The following PRKG1 variants were observed in gnomAD, a reference collection of about 807,000 sequenced individuals.
PRKG1 encodes the protein protein kinase cGMP-dependent 1.
A neutral mutation model predicts 88.1 loss-of-function variants in PRKG1; 35 were observed. That is an observed-to-expected ratio of 0.40 (90% CI 0.30 to 0.53). The LOEUF (loss-of-function observed/expected upper bound fraction) is 0.53. Ranked by LOEUF, PRKG1 falls within the 20% of genes least tolerant of loss-of-function variation. The pLI is 0.59. For missense variants in PRKG1, 540 were observed against 839.8 expected (o/e 0.64, Z 4.41); for synonymous variants, 303 against 292.5 (o/e 1.04, Z -0.37).
chr10:51,824,413 T>C (rs1193139681), intron 4 of PRKG1, among the ~76,000 whole-genome samples: 3 of 151,826 alleles, frequency 2.0e-5, no homozygotes, highest in Admixed American at 2.0e-4. Context: ...ACTTTTTTCA[T>C]CTGGCTTTAT....
intron 3 of PRKG1, among the ~76,000 whole-genome samples, chr10:51,688,106 A>T (rs376878130): frequency 6.6e-6 from 1 of 152,140 alleles, no homozygotes; most frequent in Non-Finnish European, 1.5e-5. Context: ...TATTAATTTT[A>T]TGGTGCTTTT....
rs78369557 is a variant in PRKG1, at chr10:51,988,628, T to C, written c.763-65856T>C. Among the ~76,000 whole-genome samples, 1,095 of 152,182 alleles carry C rather than the reference T, an allele frequency of 7.2e-3. 77 individuals are homozygous for C. The East Asian group carries it at 0.16, about 22-fold the overall frequency. On this transcript the variant is annotated intron_variant, in intron 5 of 17. Coordinates refer to ENST00000373980, the MANE Select transcript of PRKG1 (RefSeq NM_006258.4). ...AAGGTAAACATTTTTCCATAAGTAT[T>C]GGCTATTCAGGTTTCTTCTTCTGTG...
chr10:51,941,939 T>C (rs2133031570), intron 5 of PRKG1, among the ~76,000 whole-genome samples: 1 of 152,136 alleles, frequency 6.6e-6, no homozygotes, highest in Middle Eastern at 3.4e-3. Flanking sequence ...TATAGCAGCG[T>C]GATTTATAGT....
chr10:51,204,366 C>CTGTG lies in PRKG1; in HGVS notation c.478+51036_478+51037insTGTG, dbSNP rs754207830. On this transcript the variant is annotated intron_variant, in intron 2 of 17. Coordinates refer to ENST00000373980, the MANE Select transcript of PRKG1 (RefSeq NM_006258.4). ...TTATTTAGATTATTTGAGTAGACCTCCGTGTGTGTGTGTGTGTGTGTGTGT... is the reference window on the plus strand; with the variant it reads ...TTATTTAGATTATTTGAGTAGACCTCTGTGCGTGTGTGTGTGTGTGTGTGTGTGT... Among the ~76,000 whole-genome samples, 294 of 118,370 alleles carry CTGTG rather than the reference C, an allele frequency of 2.5e-3. 1 individual carries two copies. Among genetic ancestry groups the CTGTG allele is most frequent in the African/African-American group, 8.2e-3 (209 of 25,536 alleles). The allele number at this position is 118,370 out of a possible 152,430, so 77.7% of individuals were successfully genotyped here. A position where few individuals can be genotyped will look rare whatever the true frequency, so the allele number is the denominator to read the frequency against.
chr10:51,345,358 A>T (rs1842089670), intron 2 of PRKG1, among the ~76,000 whole-genome samples: 1 of 152,048 alleles, frequency 6.6e-6, no homozygotes, highest in South Asian at 2.1e-4. Flanking sequence ...CTAAATAATG[A>T]CTAATTTTGT....
chr10:52,058,862 A>G (rs1160580290), intron 6 of PRKG1, among the ~76,000 whole-genome samples: 1 of 151,982 alleles, frequency 6.6e-6, no homozygotes, highest in Non-Finnish European at 1.5e-5. Flanking sequence ...GAATGGAAAG[A>G]CAAATTACTA....
chr10:51,462,266 A>G (rs1328549992), intron 2 of PRKG1, among the ~76,000 whole-genome samples: 1 of 152,202 alleles, frequency 6.6e-6, no homozygotes. Context: ...GATTTCTGGA[A>G]CTAAGCACAG....
At chr10:51,927,609 A>ATATT (rs1842607053) in intron 5 of PRKG1, among the ~76,000 whole-genome samples, 7 of 152,106 alleles carry the variant, frequency 4.6e-5, no homozygotes, top group Non-Finnish European at 1.5e-5. Context: ...TTCACATGCT[A>ATATT]TAGAGTCCCA....
intron 1 of PRKG1, among the ~76,000 whole-genome samples, chr10:51,089,375 C>G (rs1844342557): frequency 1.3e-5 from 2 of 152,110 alleles, no homozygotes; most frequent in Non-Finnish European, 2.9e-5. Flanking sequence ...TAAGAAAATC[C>G]TTTCAAATTT....
At chr10:51,920,563 A>G (rs1283460072) in intron 5 of PRKG1, among the ~76,000 whole-genome samples, 1 of 152,158 alleles carries the variant, frequency 6.6e-6, no homozygotes, top group African/African-American at 2.4e-5. Context: ...GGATATATGT[A>G]TGCATATATG....
intron 8 of PRKG1, among the ~76,000 whole-genome samples, chr10:52,149,369 T>A (rs1470274132): frequency 6.6e-6 from 1 of 152,024 alleles, no homozygotes; most frequent in Non-Finnish European, 1.5e-5. Flanking sequence ...GCCATTGGTG[T>A]TCCCTCATTA....
At chr10:51,198,065 A>G (rs1478025765) in intron 2 of PRKG1, among the ~76,000 whole-genome samples, 2 of 152,020 alleles carry the variant, frequency 1.3e-5, no homozygotes, top group Non-Finnish European at 2.9e-5. Context: ...TGCTTTTATT[A>G]TTTTGTTTAT....
intron 3 of PRKG1, among the ~76,000 whole-genome samples, chr10:51,538,669 GAA>G (rs773529112): frequency 8.1e-6 from 1 of 122,782 alleles, no homozygotes; most frequent in Non-Finnish European, 1.8e-5. Flanking sequence ...CCCTAACAAT[GAA>G]AAAAAAAAAA....
At chr10:51,324,343 A>G (rs1841529340) in intron 2 of PRKG1, among the ~76,000 whole-genome samples, 1 of 152,126 alleles carries the variant, frequency 6.6e-6, no homozygotes, top group Non-Finnish European at 1.5e-5. Context: ...GAAAGGAAAC[A>G]TGTGATGTTT....
At chr10:52,009,169 C>T (rs1242900886) in intron 5 of PRKG1, among the ~76,000 whole-genome samples, 2 of 152,042 alleles carry the variant, frequency 1.3e-5, no homozygotes. Flanking sequence ...AAGTCCTGGC[C>T]AGAGCAATCA....
intron 2 of PRKG1, among the ~76,000 whole-genome samples, chr10:51,199,981 A>G (rs1040474189): frequency 1.3e-5 from 2 of 152,220 alleles, no homozygotes; most frequent in Admixed American, 6.5e-5. Flanking sequence ...ATTTAACAAT[A>G]TAAGTCGGGT....
In PRKG1 at chr10:51,112,374, A is replaced by G. The variant is rs144360750; in HGVS notation, c.311+37473A>G. Among the ~76,000 whole-genome samples, 1,067 of 152,244 alleles carry G rather than the reference A, an allele frequency of 7.0e-3. 9 individuals are homozygous for G. Among genetic ancestry groups the G allele is most frequent in the Non-Finnish European group, 9.0e-3 (615 of 67,970 alleles). On this transcript the variant is annotated intron_variant, in intron 1 of 17. Transcript: ENST00000373980. ...AAAATGTAGGTTGTTGGAATAGTAT[A>G]TGCCGCTTTTTCTAGTTCAACAAAG...
intron 2 of PRKG1, among the ~76,000 whole-genome samples, chr10:51,257,331 G>A (rs572631496): frequency 1.6e-4 from 24 of 152,216 alleles, no homozygotes; most frequent in Non-Finnish European, 2.8e-4. Context: ...TGGCATGTGC[G>A]GGTGAGAGGC....
intron 3 of PRKG1, among the ~76,000 whole-genome samples, chr10:51,595,415 G>T (rs1589116035): frequency 6.6e-6 from 1 of 152,088 alleles, no homozygotes; most frequent in Admixed American, 6.5e-5. Flanking sequence ...GATCACTTGA[G>T]GTCAGGAGTT....
Sources: allele counts gnomAD v4.1 joint callset (sites outside exome capture counted in the v4.1 genomes callset), GRCh38; gene constraint gnomAD v4.1.1; transcripts MANE v1.5; gene names NCBI Gene and HGNC (gene_info 2026-07-23, HGNC 2026-07-21).